Variants in FILIP1 observed in about 807,000 individuals in gnomAD.
FILIP1 encodes the protein filamin-A-interacting protein 1.
In FILIP1, 61 loss-of-function variants were observed where a neutral mutation model predicts 102.1. That is an observed-to-expected ratio of 0.60 (90% CI 0.49 to 0.74). FILIP1 has a LOEUF of 0.74. Among genes scored for constraint, FILIP1 ranks in the 30% least tolerant of loss-of-function variants. FILIP1 has a pLI of 0.00. For missense variants in FILIP1, 1,314 were observed against 1,441.2 expected, an observed-to-expected ratio of 0.91 and a Z score of 1.43; for synonymous variants, 491 against 526.9, an observed-to-expected ratio of 0.93 and a Z score of 0.93.
intron 1 of FILIP1, among the ~76,000 whole-genome samples, chr6:75,472,558 C>T (rs1384248097): frequency 6.6e-6 from 1 of 151,978 alleles, no homozygotes; most frequent in Non-Finnish European, 1.5e-5. Flanking sequence ...ACTGTGAAGG[C>T]CAAACATACA....
At chr6:75,441,510 G>A (rs1377198310) in intron 1 of FILIP1, among the ~76,000 whole-genome samples, 3 of 152,116 alleles carry the variant, frequency 2.0e-5, no homozygotes, top group Admixed American at 6.5e-5. Context: ...CCTCCCAGAC[G>A]GGGTGGTGGC....
chr6:75,295,225 T>C (rs950709372), exon 7 of FILIP1: 2 of 152,234 alleles, frequency 1.3e-5, no homozygotes, highest in African/African-American at 4.8e-5. Context: ...ATTTGTTCTA[T>C]ATAAAAATCA....
At chr6:75,465,573 A>G in intron 1 of FILIP1, 1 of 305,034 alleles carries the variant, frequency 3.3e-6, no homozygotes, top group South Asian at 3.0e-5. Flanking sequence ...ACAGCAATTA[A>G]AAAAAAAAAC....
Position 75,418,292 on chromosome 6 carries a change from C to CG in FILIP1, c.-6-3315_-6-3314insC, listed in dbSNP as rs1777338742. 4.6e-5 allele frequency among the ~76,000 whole-genome samples: 7 copies of CG among 152,344 alleles called. No individual in the cohort carries two copies. In the South Asian group the frequency reaches 1.4e-3, roughly 32 times the overall value. ...ATATATGTCTTCCTCCACAGACACTCTTGCAACACTCACATAGCAATTTAA... is the reference window on the plus strand; with the variant it reads ...ATATATGTCTTCCTCCACAGACACTCGTTGCAACACTCACATAGCAATTTAA... On this transcript the variant is annotated intron_variant, in intron 1 of 5. Coordinates refer to ENST00000237172, the MANE Select transcript of FILIP1 (RefSeq NM_015687.5).
chr6:75,298,866 C>A (rs1378675230), intron 6 of FILIP1, among the ~76,000 whole-genome samples: 1 of 151,896 alleles, frequency 6.6e-6, no homozygotes, highest in African/African-American at 2.4e-5. Context: ...TGCAGCGTGC[C>A]GAGATAGCAC....
intron 1 of FILIP1, among the ~76,000 whole-genome samples, chr6:75,451,157 T>C (rs888267595): frequency 2.0e-5 from 3 of 151,594 alleles, no homozygotes; most frequent in Non-Finnish European, 4.4e-5. Context: ...ACTGCTTTGA[T>C]ATGTTGATCT....
intron 1 of FILIP1, among the ~76,000 whole-genome samples, chr6:75,451,534 A>G (rs1313959521): frequency 3.9e-5 from 6 of 152,084 alleles, no homozygotes; most frequent in Admixed American, 3.9e-4. Flanking sequence ...ATATCATTTT[A>G]AAAAGAGTTA....
At chr6:75,414,025 T>C (rs1013446318) in intron 2 of FILIP1, among the ~76,000 whole-genome samples, 15 of 150,468 alleles carry the variant, frequency 1.0e-4, no homozygotes, top group African/African-American at 3.7e-4. Flanking sequence ...TCAATCCTTC[T>C]GGGCCTCAGA....
chr6:75,417,097 T>C (rs2149690787), intron 1 of FILIP1, among the ~76,000 whole-genome samples: 1 of 152,282 alleles, frequency 6.6e-6, no homozygotes, highest in Non-Finnish European at 1.5e-5. Context: ...AATTATTTTA[T>C]ATCATTATTC....
At chr6:75,350,112 G>GT (rs1414982424) in intron 4 of FILIP1, among the ~76,000 whole-genome samples, 1 of 152,114 alleles carries the variant, frequency 6.6e-6, no homozygotes, top group African/African-American at 2.4e-5. Flanking sequence ...TACTAGGGAT[G>GT]TTTAATTTAG....
intron 2 of FILIP1, chr6:75,398,216 G>A (rs934367345): frequency 1.3e-5 from 2 of 152,248 alleles, no homozygotes; most frequent in Middle Eastern, 3.4e-3. Context: ...TAAATACAGA[G>A]TTTGGAAAAA....
intron 2 of FILIP1, chr6:75,367,744 T>C (rs1775386414): frequency 6.6e-6 from 1 of 152,204 alleles, no homozygotes; most frequent in African/African-American, 2.4e-5. Flanking sequence ...CAGATCTATT[T>C]TACTATTTCA....
intron 2 of FILIP1, among the ~76,000 whole-genome samples, chr6:75,382,677 A>G (rs965742404): frequency 6.6e-6 from 1 of 152,224 alleles, no homozygotes; most frequent in African/African-American, 2.4e-5. Context: ...CTATGATTTC[A>G]CAAGGAAGAC....
intron 4 of FILIP1, among the ~76,000 whole-genome samples, chr6:75,344,464 A>G (rs1774513328): frequency 6.6e-6 from 1 of 152,246 alleles, no homozygotes; most frequent in Non-Finnish European, 1.5e-5. Flanking sequence ...TTTCTGAAAC[A>G]TAAGAATGGA....
chr6:75,368,667 A>T (rs1026680637), intron 2 of FILIP1, among the ~76,000 whole-genome samples: 1 of 152,176 alleles, frequency 6.6e-6, no homozygotes, highest in Non-Finnish European at 1.5e-5. Context: ...AGCCACAGAA[A>T]GAAGAGGTAA....
At chr6:75,449,695 T>C (rs1778557627) in intron 1 of FILIP1, among the ~76,000 whole-genome samples, 1 of 150,472 alleles carries the variant, frequency 6.6e-6, no homozygotes, top group Non-Finnish European at 1.5e-5. Flanking sequence ...AGGAAATGCA[T>C]TTAAAAACTA....
At chr6:75,462,066 A>G (rs1022477050) in intron 1 of FILIP1, among the ~76,000 whole-genome samples, 1 of 152,106 alleles carries the variant, frequency 6.6e-6, no homozygotes, top group Non-Finnish European at 1.5e-5. Flanking sequence ...CACACCCTTC[A>G]GTCTCCTTTT....
chr6:75,463,398 T>C (rs1472070307), intron 1 of FILIP1, among the ~76,000 whole-genome samples: 1 of 152,128 alleles, frequency 6.6e-6, no homozygotes, highest in Non-Finnish European at 1.5e-5. Context: ...GCGGTAAAAC[T>C]AAAGAGAAAG....
chr6:75,331,491 A>AAT (rs1774079920), intron 4 of FILIP1, among the ~76,000 whole-genome samples: 1 of 152,174 alleles, frequency 6.6e-6, no homozygotes, highest in Non-Finnish European at 1.5e-5. Flanking sequence ...TAGGAATAAA[A>AAT]ATATATATAT....
Sources: allele counts gnomAD v4.1 joint callset (sites outside exome capture counted in the v4.1 genomes callset), GRCh38; gene constraint gnomAD v4.1.1; transcripts MANE v1.5; gene names NCBI Gene and HGNC (gene_info 2026-07-23, HGNC 2026-07-21).